FRMD4B: variants seen among roughly 807,000 people sequenced by gnomAD.
The protein encoded by FRMD4B is FERM domain containing 4B.
FRMD4B carries 74 observed loss-of-function variants against 141.5 expected under a neutral mutation model. The observed-to-expected ratio is 0.52, with a 90% CI of 0.43 to 0.63. The LOEUF is 0.63. FRMD4B is among the 30% of genes least tolerant of loss of function. FRMD4B has a pLI of 0.00. For synonymous variants in FRMD4B, 506 were observed against 467.9 expected (o/e 1.08, Z -1.05); for missense variants, 1,366 against 1,253.4 (o/e 1.09, Z -1.36).
At chr3:69,534,514 A>G (rs1449268880) in intron 1 of FRMD4B, among the ~76,000 whole-genome samples, 1 of 152,184 alleles carries the variant, frequency 6.6e-6, no homozygotes, top group Non-Finnish European at 1.5e-5. Context: ...GTGCTCCTGA[A>G]CTGTATCTGT....
At chr3:69,294,511 T>C (rs2107120860) in intron 4 of FRMD4B, among the ~76,000 whole-genome samples, 1 of 152,362 alleles carries the variant, frequency 6.6e-6, no homozygotes, top group Admixed American at 6.5e-5. Flanking sequence ...TGTTTGCTTC[T>C]ACAATGTGCT....
chr3:69,396,342 T>A lies in FRMD4B; in HGVS notation c.-1+36292A>T, dbSNP rs184687614. ...CAATATGGTGAAACCCCTTCTCCACTAAAAATCCAAAATTTAGCCAGGCAT... is the reference window on the plus strand; with the variant it reads ...CAATATGGTGAAACCCCTTCTCCACAAAAAATCCAAAATTTAGCCAGGCAT... On this transcript the variant is annotated intron_variant, in intron 2 of 5. Coordinates refer to the FRMD4B transcript ENST00000459638. 5.3e-5 allele frequency among the ~76,000 whole-genome samples: 8 copies of A among 152,090 alleles called. No individual in the cohort carries two copies. The South Asian group carries it at 1.7e-3, about 32-fold the overall frequency.
chr3:69,473,461 C>G (rs536841416), intron 1 of FRMD4B, among the ~76,000 whole-genome samples: 1 of 152,294 alleles, frequency 6.6e-6, no homozygotes, highest in South Asian at 2.1e-4. Context: ...CTCCATCTCA[C>G]TCCTCATTCT....
chr3:69,212,378 A>AG (rs2093092781), intron 11 of FRMD4B, among the ~76,000 whole-genome samples: 3 of 90,224 alleles, frequency 3.3e-5, no homozygotes, highest in African/African-American at 1.3e-4. Flanking sequence ...AAAAAAAAAA[A>AG]AAGAAAAAAA....
intron 1 of FRMD4B, among the ~76,000 whole-genome samples, chr3:69,457,041 CGTGTGT>C (rs532828341): frequency 6.6e-6 from 1 of 151,088 alleles, no homozygotes; most frequent in Admixed American, 6.6e-5. Flanking sequence ...CACACACAAA[CGTGTGT>C]GTGTGTGTGT....
intron 2 of FRMD4B, among the ~76,000 whole-genome samples, chr3:69,311,561 CA>C (rs1486473641): frequency 1.3e-5 from 2 of 152,102 alleles, no homozygotes; most frequent in Non-Finnish European, 2.9e-5. Flanking sequence ...ATAGGAATAT[CA>C]ATGAGACTAT....
At chr3:69,355,933 G>A (rs1202797278) in intron 1 of FRMD4B, among the ~76,000 whole-genome samples, 1 of 152,148 alleles carries the variant, frequency 6.6e-6, no homozygotes, top group African/African-American at 2.4e-5. Context: ...GCTGAAGCAG[G>A]AGAATTGCTT....
chr3:69,541,412 A>G (rs1701181962), intron 1 of FRMD4B: 1 of 152,286 alleles, frequency 6.6e-6, no homozygotes, highest in African/African-American at 2.4e-5. Context: ...AAGCGGCCAC[A>G]CAAAGGAGAG....
At chr3:69,312,710 C>A (rs751412808) in intron 2 of FRMD4B, among the ~76,000 whole-genome samples, 4 of 152,110 alleles carry the variant, frequency 2.6e-5, no homozygotes, top group Non-Finnish European at 5.9e-5. Context: ...GCCAGCCTGG[C>A]CAACATGGTG....
intron 1 of FRMD4B, among the ~76,000 whole-genome samples, chr3:69,379,022 C>T (rs1247077093): frequency 1.3e-5 from 2 of 152,162 alleles, no homozygotes; most frequent in Non-Finnish European, 2.9e-5. Context: ...CTTTCATAGA[C>T]CTTGGTTTCC....
chr3:69,491,753 C>T (rs2107025827), intron 1 of FRMD4B, among the ~76,000 whole-genome samples: 1 of 152,280 alleles, frequency 6.6e-6, no homozygotes, highest in African/African-American at 2.4e-5. Context: ...AAATAACTTG[C>T]TGATATGCAA....
intron 3 of FRMD4B, among the ~76,000 whole-genome samples, chr3:69,309,440 A>C (rs1178864278): frequency 6.6e-6 from 1 of 150,832 alleles, no homozygotes; most frequent in African/African-American, 2.4e-5. Context: ...CTCTTAATGT[A>C]AATATATATA....
intron 1 of FRMD4B, among the ~76,000 whole-genome samples, chr3:69,515,292 C>T (rs1170714379): frequency 2.0e-5 from 3 of 152,162 alleles, no homozygotes; most frequent in Admixed American, 1.3e-4. Flanking sequence ...CCACCAGGTA[C>T]CACCTCCTAC....
rs916924671 is a variant in FRMD4B at position 69,517,157 on chromosome 3, C to A, written c.-129+25049G>T. On this transcript the variant is annotated intron_variant, in intron 1 of 5. Coordinates refer to the FRMD4B transcript ENST00000459638. ...TCAGGTCATATCTCTGATACTAATG[C>A]TACTTTCTGTTAAACATTTTTAAAA... Among the ~76,000 whole-genome samples, 6 of 152,184 alleles carry A rather than the reference C, an allele frequency of 3.9e-5. 1 individual carries two copies. The highest frequency in any genetic ancestry group is 2.6e-4 in the Admixed American group (4 of 15,282).
intron 2 of FRMD4B, among the ~76,000 whole-genome samples, chr3:69,392,119 C>G (rs531328679): frequency 6.6e-6 from 1 of 152,206 alleles, no homozygotes; most frequent in African/African-American, 2.4e-5. Context: ...CAGTCTTGTT[C>G]ATTAGAAAAT....
chr3:69,410,726 A>AATAAATAAATATATAT (rs1559519781), intron 2 of FRMD4B, among the ~76,000 whole-genome samples: 2 of 86,336 alleles, frequency 2.3e-5, no homozygotes, highest in African/African-American at 8.3e-5. Flanking sequence ...TAAATAAATA[A>AATAAATAAATATATAT]ATATATATAT....
chr3:69,353,734 T>C, intron 1 of FRMD4B: 3 of 982,210 alleles, frequency 3.1e-6, no homozygotes, highest in Non-Finnish European at 3.6e-6. Flanking sequence ...CGCCTTCCGC[T>C]GCCATATAAT....
At chr3:69,416,727 G>A (rs573086385) in intron 2 of FRMD4B, among the ~76,000 whole-genome samples, 1 of 152,202 alleles carries the variant, frequency 6.6e-6, no homozygotes, top group African/African-American at 2.4e-5. Context: ...ATAGGCCCAG[G>A]TGTGTGATGT....
At chr3:69,396,905 A>C (rs1486703945) in intron 2 of FRMD4B, among the ~76,000 whole-genome samples, 1 of 152,244 alleles carries the variant, frequency 6.6e-6, no homozygotes, top group African/African-American at 2.4e-5. Context: ...TATTCATAAT[A>C]GCCAAATGGT....
Sources: allele counts gnomAD v4.1 joint callset (sites outside exome capture counted in the v4.1 genomes callset), GRCh38; gene constraint gnomAD v4.1.1; transcripts MANE v1.5; gene names NCBI Gene and HGNC (gene_info 2026-07-23, HGNC 2026-07-21).